ZNF185: variants seen among roughly 807,000 people sequenced by gnomAD.
ZNF185 encodes zinc finger protein 185.
In ZNF185, 56 loss-of-function variants were observed where a neutral mutation model predicts 58.6. The observed-to-expected ratio is 0.95, with a 90% CI of 0.77 to 1.19. The LOEUF (loss-of-function observed/expected upper bound fraction) is 1.19, where lower values mean the gene tolerates loss of function less well. ZNF185 is among the 50% of genes most tolerant of loss of function. The probability of loss-of-function intolerance (pLI) is 0.00; values close to 1 mark genes in which losing one functional copy is unlikely to be tolerated. For synonymous variants in ZNF185, 230 were observed against 215.9 expected (o/e 1.07, Z -0.57); for missense variants, 627 against 573.5 (o/e 1.09, Z -0.95).
At chrX:152,931,830 C>CA in intron 13 of ZNF185, 54 bp downstream of exon 14, 1 of 1,058,646 alleles carries the variant, frequency 9.4e-7, no homozygotes, top group Non-Finnish European at 1.3e-6. Context: ...AGCCCACATA[C>CA]ACCCAGCTGA....
intron 14 of ZNF185, among the ~76,000 whole-genome samples, chrX:152,937,322 G>C (rs1361725820): frequency 1.8e-5 from 2 of 111,875 alleles, no homozygotes; most frequent in African/African-American, 6.5e-5. Flanking sequence ...CTCATTAGCA[G>C]CTTACTCTCA....
rs1556894205 is a variant in ZNF185, at chrX:152,945,441, C to CA, written c.1387dup (p.Arg463LysfsTer12). On this transcript the variant is annotated frameshift_variant, in exon 16 of 23. Transcript: ENST00000449285. LOFTEE classifies it high-confidence loss of function. ...GCCCCAGCGGATCTGAGCAACTTGT[C>CA]AGACGAGAGAGTTGTGGCAGCAGGT... is the stretch of plus-strand genomic sequence containing the variant. 1 of 1,202,552 alleles carries CA rather than the reference C, an allele frequency of 8.3e-7. No homozygotes were observed. Among genetic ancestry groups the CA allele is most frequent in the South Asian group, 1.8e-5 (1 of 55,307 alleles).
At chrX:152,941,461 G>C (rs971950450) in intron 15 of ZNF185, among the ~76,000 whole-genome samples, 1 of 112,898 alleles carries the variant, frequency 8.9e-6, no homozygotes, top group African/African-American at 3.2e-5. Context: ...GAAGACAGCA[G>C]GGACGGAAAA....
chrX:152,913,689 AC>A (rs1169101567), upstream of ZNF185, among the ~76,000 whole-genome samples: 2 of 111,545 alleles, frequency 1.8e-5, no homozygotes, highest in African/African-American at 6.5e-5. Flanking sequence ...GGTGGAGCCA[AC>A]CCCCGAAGGA....
the ZNF185 span, among the ~76,000 whole-genome samples, chrX:152,905,579 G>T: frequency 8.9e-6 from 1 of 111,977 alleles, no homozygotes; most frequent in Non-Finnish European, 1.9e-5. Flanking sequence ...TCCAGTGGAG[G>T]CTCTTTGCCC....
At chrX:152,955,449 AAAAC>A (rs1171750577) in intron 16 of ZNF185, among the ~76,000 whole-genome samples, 14 of 112,570 alleles carry the variant, frequency 1.2e-4, no homozygotes, top group Non-Finnish European at 5.6e-5. Context: ...TTACAGGACA[AAAAC>A]AAAACCTGGT....
intron 17 of ZNF185, 138 bp from the exon 20 acceptor site, chrX:152,963,701 A>AG: frequency 2.0e-6 from 1 of 493,348 alleles, no homozygotes; most frequent in Non-Finnish European, 3.3e-6. Flanking sequence ...TTATCTGTAA[A>AG]GTGAGAAGTT....
In ZNF185 at chrX:152,970,552, G is replaced by A; in HGVS notation, c.*11G>A. The stretch of plus-strand genomic sequence containing the variant: ...GAGAAGCTCTTCTAGGTGGGTGCTG[G>A]CACTGCAAAGGACAAGTGGCCAAGA... On this transcript the variant is annotated intron_variant, in intron 22 of 22. Transcript: ENST00000449285. The A allele has an allele frequency of 8.3e-7, 1 of 1,200,326 alleles. No individual in the cohort carries two copies. Among genetic ancestry groups the A allele is most frequent in the Non-Finnish European group, 1.1e-6 (1 of 885,776 alleles).
At chrX:152,919,631 A>G (rs1256656341) in intron 7 of ZNF185, among the ~76,000 whole-genome samples, 1 of 112,165 alleles carries the variant, frequency 8.9e-6, no homozygotes, top group Non-Finnish European at 1.9e-5. Context: ...TCCTCTGTCC[A>G]TGGGGACTGA....
At chrX:152,947,916 G>A (rs2047946361) in intron 16 of ZNF185, among the ~76,000 whole-genome samples, 1 of 111,609 alleles carries the variant, frequency 9.0e-6, no homozygotes, top group South Asian at 3.8e-4. Flanking sequence ...AAAAAAAGAG[G>A]GGATATTAAT....
chrX:152,940,231 G>A (rs188624687), intron 15 of ZNF185, among the ~76,000 whole-genome samples: 24 of 111,079 alleles, frequency 2.2e-4, no homozygotes, highest in African/African-American at 4.9e-4. Flanking sequence ...ACTATGACCC[G>A]TGACACAGCC....
At position 152,939,093 on chromosome X, in the gene ZNF185, G is replaced by A. The variant is rs146678898; in HGVS notation, c.1211+930G>A. On this transcript the variant is annotated intron_variant, in intron 15 of 22. Transcript: ENST00000449285. Reference sequence around the variant, plus strand: ...CTTGGTAAGCCATGGTTAAGAGATTGGATCTTATTTCAAGTTTTAAGCCAA... The same window carrying A: ...CTTGGTAAGCCATGGTTAAGAGATTAGATCTTATTTCAAGTTTTAAGCCAA... Among the ~76,000 whole-genome samples, 680 of 111,775 alleles carry A rather than the reference G, an allele frequency of 6.1e-3. 8 individuals carry two copies. The highest frequency in any genetic ancestry group is 0.049 in the East Asian group (174 of 3,517).
chrX:152,972,823 CTTGAAAGGAAG>C (rs1272135997), exon 23 of ZNF185: 1 of 111,862 alleles, frequency 8.9e-6, no homozygotes, highest in East Asian at 2.8e-4. Context: ...CTGTAAGTTC[CTTGAAAGGAAG>C]AACAACCTTA....
intron 16 of ZNF185, among the ~76,000 whole-genome samples, chrX:152,951,085 AT>A (rs57205058): frequency 0.011 from 1,014 of 92,322 alleles, 13 homozygotes; most frequent in African/African-American, 0.035. Context: ...ATGATCAAGA[AT>A]TTTTTTTTTT....
chrX:152,908,403 C>T, the ZNF185 span, among the ~76,000 whole-genome samples: 1 of 112,715 alleles, frequency 8.9e-6, no homozygotes, highest in South Asian at 3.6e-4. Flanking sequence ...ACAGCAGTTT[C>T]TTTTTCTTCA....
the ZNF185 span, among the ~76,000 whole-genome samples, chrX:152,902,868 G>C: frequency 8.9e-6 from 1 of 111,839 alleles, no homozygotes; most frequent in African/African-American, 3.3e-5. Context: ...GGAGGATAGG[G>C]AGTCAGAGCT....
chrX:152,949,719 C>A (rs1178299035), intron 16 of ZNF185, among the ~76,000 whole-genome samples: 3 of 111,532 alleles, frequency 2.7e-5, no homozygotes, highest in Admixed American at 9.5e-5. Flanking sequence ...AGAGTGAGAG[C>A]CTTCAGAGAT....
intron 16 of ZNF185, among the ~76,000 whole-genome samples, chrX:152,946,462 C>T (rs782513344): frequency 8.9e-6 from 1 of 112,297 alleles, no homozygotes; most frequent in African/African-American, 3.2e-5. Flanking sequence ...GATTCCTTGG[C>T]TCCAGGCCCT....
At chrX:152,933,624 A>G (rs1486680117) in intron 14 of ZNF185, among the ~76,000 whole-genome samples, 1 of 112,312 alleles carries the variant, frequency 8.9e-6, no homozygotes, top group Non-Finnish European at 1.9e-5. Flanking sequence ...TCTTGGGGCA[A>G]AGGCTAGGTA....
Sources: allele counts gnomAD v4.1 joint callset (sites outside exome capture counted in the v4.1 genomes callset), GRCh38; gene constraint gnomAD v4.1.1; transcripts MANE v1.5; gene names NCBI Gene and HGNC (gene_info 2026-07-23, HGNC 2026-07-21).